Variants in RPIA observed in about 807,000 individuals in gnomAD.
RPIA encodes ribose 5-phosphate isomerase A.
Under a neutral mutation model 37.8 loss-of-function variants are expected in RPIA, and 29 were observed. The observed-to-expected ratio is 0.77, with a 90% CI of 0.57 to 1.05. The LOEUF is 1.05. RPIA is among the 50% of genes least tolerant of loss of function. RPIA has a pLI of 0.00. For missense variants in RPIA, 385 were observed against 413.6 expected (o/e 0.93, Z 0.60); for synonymous variants, 167 against 157.0 (o/e 1.06, Z -0.48).
In RPIA at chr2:88,740,538, C is replaced by T. The variant is rs145732211; in HGVS notation, c.838+2462C>T. Reference sequence around the variant, plus strand: ...GTTTATCTCTGTTACCATGTGCATTCGTACACAGTATGTGAGGACGCTTAG... The same window carrying T: ...GTTTATCTCTGTTACCATGTGCATTTGTACACAGTATGTGAGGACGCTTAG... On this transcript the variant is annotated intron_variant, in intron 8 of 8. Coordinates refer to ENST00000283646, the MANE Select transcript of RPIA (RefSeq NM_144563.3). 4.5e-4 allele frequency among the ~76,000 whole-genome samples: 69 copies of T among 152,270 alleles called. No individual in the cohort carries two copies. The East Asian group carries it at 5.8e-3, about 13-fold the overall frequency.
intron 3 of RPIA, among the ~76,000 whole-genome samples, chr2:88,725,939 C>G (rs895044397): frequency 6.6e-6 from 1 of 152,112 alleles, no homozygotes; most frequent in African/African-American, 2.4e-5. Flanking sequence ...GTACAGGGGC[C>G]CAGACTTCAG....
chr2:88,740,245 A>G (rs766459841), intron 8 of RPIA, among the ~76,000 whole-genome samples: 2 of 152,160 alleles, frequency 1.3e-5, no homozygotes, highest in Non-Finnish European at 2.9e-5. Flanking sequence ...AGGTTCTGAA[A>G]TGTCCTTTGT....
chr2:88,725,673 C>T (rs1673187373), intron 3 of RPIA, among the ~76,000 whole-genome samples: 1 of 152,208 alleles, frequency 6.6e-6, no homozygotes, highest in Non-Finnish European at 1.5e-5. Context: ...TCTCTAAAGA[C>T]ACTGTCTCCA....
intron 3 of RPIA, among the ~76,000 whole-genome samples, chr2:88,724,684 C>T (rs1373015635): frequency 1.2e-4 from 19 of 152,048 alleles, no homozygotes; most frequent in Non-Finnish European, 2.9e-5. Flanking sequence ...ACTTTTTAAA[C>T]AAGTAAACCT....
Position 88,726,810 on chromosome 2 carries a change from C to T in RPIA, c.403-2468C>T, listed in dbSNP as rs545088334. On this transcript the variant is annotated intron_variant, in intron 3 of 8. Coordinates refer to ENST00000283646, the MANE Select transcript of RPIA (RefSeq NM_144563.3). Reference sequence around the variant, plus strand: ...AGACTGGAGTGCAGTGGCACTATCTCGGCTCACTGCCACCCTCCACCTCCT... The same window carrying T: ...AGACTGGAGTGCAGTGGCACTATCTTGGCTCACTGCCACCCTCCACCTCCT... Among the ~76,000 whole-genome samples the T allele has an allele frequency of 7.2e-5, 11 of 152,198 alleles. No individual in the cohort carries two copies. The East Asian group carries it at 1.7e-3, about 24-fold the overall frequency.
At chr2:88,743,719 A>G (rs1048045217) in intron 8 of RPIA, among the ~76,000 whole-genome samples, 6 of 151,856 alleles carry the variant, frequency 4.0e-5, no homozygotes, top group African/African-American at 1.5e-4. Flanking sequence ...GCTGCTTGTT[A>G]TTGATTTGTT....
chr2:88,713,974 C>T (rs1295933133), intron 3 of RPIA, among the ~76,000 whole-genome samples: 2 of 146,756 alleles, frequency 1.4e-5, no homozygotes, highest in East Asian at 2.0e-4. Context: ...GGGACTTCTT[C>T]TTGTACAGGT....
chr2:88,729,060 G>A (rs556530516), intron 3 of RPIA, among the ~76,000 whole-genome samples: 4 of 152,328 alleles, frequency 2.6e-5, no homozygotes, highest in East Asian at 3.9e-4. Context: ...TTGGAACAGG[G>A]TCTTTGCTGT....
chr2:88,723,865 T>A (rs1467827863), intron 3 of RPIA, among the ~76,000 whole-genome samples: 1 of 151,966 alleles, frequency 6.6e-6, no homozygotes, highest in East Asian at 1.9e-4. Context: ...GAACATTGGT[T>A]TGGTCTGGAA....
intron 3 of RPIA, among the ~76,000 whole-genome samples, chr2:88,723,563 G>A (rs577233052): frequency 9.9e-5 from 15 of 152,242 alleles, no homozygotes; most frequent in African/African-American, 2.2e-4. Context: ...TCAGCAAATT[G>A]TCCTGTTGGT....
intron 3 of RPIA, among the ~76,000 whole-genome samples, chr2:88,721,571 A>ACACACCC (rs1450673599): frequency 4.4e-5 from 1 of 22,982 alleles, no homozygotes; most frequent in Non-Finnish European, 8.0e-5. Flanking sequence ...ACACACACAC[A>ACACACCC]CCCCCCCCCC....
intron 3 of RPIA, among the ~76,000 whole-genome samples, chr2:88,726,850 C>T (rs999546665): frequency 2.6e-5 from 4 of 152,272 alleles, no homozygotes; most frequent in African/African-American, 9.6e-5. Flanking sequence ...TCAGATGATC[C>T]TCCTGCCTCA....
intron 1 of RPIA, among the ~76,000 whole-genome samples, chr2:88,695,113 C>T (rs1486925792): frequency 6.6e-6 from 1 of 152,178 alleles, no homozygotes; most frequent in East Asian, 1.9e-4. Context: ...TGTGCTCCTT[C>T]TTACATGCCT....
rs561752907 is a variant in RPIA, at chr2:88,720,411, T to G, written c.403-8867T>G. ...ACATTTCCTTTAGACCTTTAAGAAATTATTGTTAGCATCAGGCCACAACAA... is the reference window on the plus strand; with the variant it reads ...ACATTTCCTTTAGACCTTTAAGAAAGTATTGTTAGCATCAGGCCACAACAA... On this transcript the variant is annotated intron_variant, in intron 3 of 8. Coordinates refer to ENST00000283646, the MANE Select transcript of RPIA (RefSeq NM_144563.3). 2.0e-5 allele frequency among the ~76,000 whole-genome samples: 3 copies of G among 152,032 alleles called. No individual in the cohort carries two copies. The East Asian group carries it at 5.8e-4, about 29-fold the overall frequency.
At chr2:88,742,957 G>T (rs1673401043) in intron 8 of RPIA, among the ~76,000 whole-genome samples, 8 of 151,986 alleles carry the variant, frequency 5.3e-5, no homozygotes, top group Admixed American at 5.2e-4. Context: ...GAGTCCTGAG[G>T]GTTTTCTAGG....
intron 3 of RPIA, 61 bp from the exon 4 acceptor site, chr2:88,729,217 T>C: frequency 6.4e-7 from 1 of 1,566,490 alleles, no homozygotes; most frequent in Non-Finnish European, 8.8e-7. Context: ...AGAAGAATTC[T>C]GAGAATCCTT....
chr2:88,750,077 G>A lies in RPIA; in HGVS notation c.935G>A (p.Ter312=), dbSNP rs761383830. Residue 312 remains the stop codon, a stop_retained_variant, in exon 9 of 9, where the codon TGA becomes TAA. Transcript: ENST00000283646. ...SVNMREKPFC[*] ...AACATGAGGGAGAAGCCTTTCTGTT[G>A]ACCCTGCAAGGAGCAGAGTGTGTTC... 83 of 1,606,498 alleles carry A rather than the reference G, an allele frequency of 5.2e-5. No homozygotes were observed. The highest frequency in any genetic ancestry group is 6.6e-5 in the Non-Finnish European group (77 of 1,173,866).
chr2:88,691,894 A>G lies in RPIA; in HGVS notation c.196A>G (p.Asn66Asp). The G allele has an allele frequency of 6.3e-7, 1 of 1,596,546 alleles. No homozygotes were observed. The highest frequency in any genetic ancestry group is 2.3e-5 in the East Asian group (1 of 44,236). ...GNTSTSCGDS[N>D]SICPAPSTMS... ...CACAAGCACCAGCTGCGGGGACTCC[A>G]ACAGCATCTGCCCGGCCCCCTCCAC... Residue 66 changes from asparagine to aspartate, a missense_variant, in exon 1 of 9, where the codon AAC (asparagine) becomes GAC (aspartate). By Grantham distance (23) the Asn-to-Asp change is conservative. Coordinates refer to ENST00000283646, the MANE Select transcript of RPIA (RefSeq NM_144563.3).
chr2:88,735,866 G>C, intron 6 of RPIA, 129 bp downstream of exon 6: 2 of 890,742 alleles, frequency 2.2e-6, no homozygotes, highest in Non-Finnish European at 3.8e-6. Flanking sequence ...TGATGGCTAG[G>C]ACTTAGTACA....
Sources: gnomAD v4.1 joint callset for allele counts (sites outside exome capture counted in the v4.1 genomes callset) on GRCh38, gnomAD v4.1.1 for gene constraint, MANE v1.5 for transcripts, NCBI Gene and HGNC (gene_info 2026-07-23, HGNC 2026-07-21) for gene names.